The following DST variants were observed in gnomAD, a reference collection of about 807,000 sequenced individuals.
DST encodes bullous pemphigoid antigen.
A neutral mutation model predicts 875.2 loss-of-function variants in DST; 253 were observed. That is an observed-to-expected ratio of 0.29 (90% CI 0.26 to 0.32). The LOEUF is 0.32. Among genes scored for constraint, DST ranks in the 10% least tolerant of loss-of-function variants. The probability of loss-of-function intolerance (pLI) is 1.00; values close to 1 mark genes in which losing one functional copy is unlikely to be tolerated. For synonymous variants in DST, 3,124 were observed against 3,197.1 expected (o/e 0.98, Z 0.77); for missense variants, 8,287 against 9,111.6 (o/e 0.91, Z 3.68).
intron 3 of DST, among the ~76,000 whole-genome samples, chr6:56,897,237 T>G (rs1271958167): frequency 2.0e-5 from 3 of 151,134 alleles, no homozygotes; most frequent in Non-Finnish European, 4.4e-5. Context: ...TATTATCACT[T>G]TATAATAAGG....
chr6:56,843,565 C>G, intron 4 of DST: 1 of 984,002 alleles, frequency 1.0e-6, no homozygotes, highest in Non-Finnish European at 1.2e-6. Context: ...GAGGCGCGTG[C>G]TTCGGGCCGG....
At chr6:56,953,378 GA>G (rs1281201568) in intron 2 of DST, among the ~76,000 whole-genome samples, 2 of 152,162 alleles carry the variant, frequency 1.3e-5, no homozygotes, top group Non-Finnish European at 2.9e-5. Context: ...CTTGAAAATC[GA>G]AAATGAAATG....
rs200453699 is a variant in DST, at chr6:56,634,153, A to G, written c.3600T>C (p.Ile1200=). 880 of 1,613,342 alleles carry G rather than the reference A, an allele frequency of 5.5e-4. 13 individuals carry two copies. In the South Asian group the frequency reaches 9.0e-3, roughly 16 times the overall value. ...WHYLINEIDR[I]RASNVASIKT... Reference sequence around the variant, plus strand: ...TTACTGAAGCCACATTGCTAGCTCGAATTCTATCAATTTCATTGATGAGAT... The same window carrying G: ...TTACTGAAGCCACATTGCTAGCTCGGATTCTATCAATTTCATTGATGAGAT... The change falls in exon 27 of 104, where the codon ATT becomes ATC. Residue 1200 remains isoleucine (I), a synonymous_variant. Transcript: ENST00000680361.
chr6:56,699,582 T>A, intron 9 of DST, 71 bp downstream of exon 9: 6 of 689,006 alleles, frequency 8.7e-6, no homozygotes, highest in Middle Eastern at 2.4e-4. Context: ...CATGAATGCA[T>A]CATTCACCCT....
intron 3 of DST, among the ~76,000 whole-genome samples, chr6:56,865,617 A>C (rs1332885904): frequency 2.0e-5 from 3 of 152,144 alleles, no homozygotes; most frequent in Non-Finnish European, 2.9e-5. Context: ...CAGCCTTCCA[A>C]AGTGCTGGGA....
At chr6:56,556,570 C>G (rs941861085) in intron 59 of DST, among the ~76,000 whole-genome samples, 2 of 152,160 alleles carry the variant, frequency 1.3e-5, no homozygotes, top group South Asian at 4.1e-4. Flanking sequence ...GGATTATGAA[C>G]AGATATGAAT....
In DST at chr6:56,591,491, G is replaced by A. The variant is rs1177690422; in HGVS notation, c.12903+691C>T. Among the ~76,000 whole-genome samples the A allele has an allele frequency of 3.3e-5, 5 of 152,280 alleles. No homozygotes were observed. The East Asian group carries it at 7.7e-4, about 23-fold the overall frequency. On this transcript the variant is annotated intron_variant, in intron 49 of 103. Coordinates refer to ENST00000680361, the MANE Select transcript of DST (RefSeq NM_001374736.1). ...TGGGCCAGGTAATATTCTAGGTGCT[G>A]TGAATACAGCAATGAATAAAGCAGA...
chr6:56,653,074 C>T (rs2098985172), intron 10 of DST, among the ~76,000 whole-genome samples: 1 of 152,154 alleles, frequency 6.6e-6, no homozygotes, highest in Non-Finnish European at 1.5e-5. Context: ...AATCTCAGAA[C>T]AAGACATGGC....
chr6:56,844,836 T>C (rs889490005), intron 4 of DST, among the ~76,000 whole-genome samples: 3 of 148,090 alleles, frequency 2.0e-5, no homozygotes, highest in African/African-American at 7.5e-5. Flanking sequence ...CACGCCACCG[T>C]ATTCCAGCCT....
rs759049357 is a variant in DST at position 56,615,527 on chromosome 6, T to G, written c.4930-1043A>C. ...TTTAAACATGTCCCATTAGGAAGAA[T>G]AGTAGAGGCTAGAAATTCCTGTCAT... On this transcript the variant is annotated intron_variant, in intron 36 of 103. Coordinates refer to ENST00000680361, the MANE Select transcript of DST (RefSeq NM_001374736.1). 4 of 1,613,964 alleles carry G rather than the reference T, an allele frequency of 2.5e-6. No individual in the cohort carries two copies. The African/African-American group carries it at 5.3e-5, about 22-fold the overall frequency.
At chr6:56,656,634 G>C (rs1257144959) in intron 10 of DST, among the ~76,000 whole-genome samples, 1 of 152,148 alleles carries the variant, frequency 6.6e-6, no homozygotes, top group Admixed American at 6.5e-5. Context: ...CACAAATCTG[G>C]TAAGTGGCAG....
Position 56,552,224 on chromosome 6 carries a change from A to G in DST, c.16568T>C (p.Met5523Thr), listed in dbSNP as rs749559937. 1.9e-6 allele frequency: 3 copies of G among 1,613,648 alleles called. No homozygotes were observed. The highest frequency in any genetic ancestry group is 2.2e-5 in the East Asian group (1 of 44,880). ...EHEESQGPVG[M>T]ETETINQQLN... ...CTGCTGATTAATTGTCTCCGTTTCC[A>G]TACCAACAGGACCTTGTGACTCTTC... is the stretch of plus-strand genomic sequence containing the variant. Residue 5523 changes from methionine to threonine, a missense_variant, in exon 61 of 104, where the codon ATG (methionine) becomes ACG (threonine). Met to Thr is a moderately conservative substitution (Grantham distance 81, BLOSUM62 -1). This residue lies in a region of DST where 777 missense variants were observed against 764.8 expected (regional missense o/e 1.02). Coordinates refer to ENST00000680361, the MANE Select transcript of DST (RefSeq NM_001374736.1).
chr6:56,493,477 G>A (rs1303905566), intron 83 of DST, among the ~76,000 whole-genome samples: 1 of 151,832 alleles, frequency 6.6e-6, no homozygotes, highest in Non-Finnish European at 1.5e-5. Flanking sequence ...ATATAATCTT[G>A]TATTTCTTGC....
intron 4 of DST, among the ~76,000 whole-genome samples, chr6:56,841,980 G>A (rs746172092): frequency 6.6e-6 from 1 of 152,080 alleles, no homozygotes; most frequent in Non-Finnish European, 1.5e-5. Flanking sequence ...AATTCTACAA[G>A]GATTGCAAGA....
intron 4 of DST, among the ~76,000 whole-genome samples, chr6:56,800,029 C>T (rs1224942931): frequency 6.6e-6 from 1 of 152,162 alleles, no homozygotes. Context: ...TTTATATGCA[C>T]CAAGAAGCCA....
At chr6:56,616,273 T>C in intron 36 of DST, 1 of 1,614,106 alleles carries the variant, frequency 6.2e-7, no homozygotes, top group Non-Finnish European at 8.5e-7. Context: ...TGAAGTGTAA[T>C]CCTGTTTTAG....
At chr6:56,878,760 A>T (rs534046237) in intron 3 of DST, among the ~76,000 whole-genome samples, 1 of 152,292 alleles carries the variant, frequency 6.6e-6, no homozygotes, top group Non-Finnish European at 1.5e-5. Flanking sequence ...GGAGAAAATG[A>T]GGAGAGAAGA....
chr6:56,916,464 T>C (rs1445666346), intron 2 of DST, among the ~76,000 whole-genome samples: 1 of 152,106 alleles, frequency 6.6e-6, no homozygotes, highest in Non-Finnish European at 1.5e-5. Flanking sequence ...ACAAAAGCTA[T>C]TCAAGACCTG....
chr6:56,941,627 G>A (rs981480479), intron 2 of DST, among the ~76,000 whole-genome samples: 17 of 152,138 alleles, frequency 1.1e-4, no homozygotes, highest in African/African-American at 3.6e-4. Flanking sequence ...GGACTACAGT[G>A]CATGCCACTA....
Sources: gnomAD v4.1 joint callset for allele counts (sites outside exome capture counted in the v4.1 genomes callset) on GRCh38, gnomAD v4.1.1 for gene constraint, gnomAD v4.1.1 regional missense constraint, MANE v1.5 for transcripts, NCBI Gene and HGNC (gene_info 2026-07-23, HGNC 2026-07-21) for gene names.